The following FBH1 variants were observed in gnomAD, a reference collection of about 807,000 sequenced individuals.
FBH1 encodes F-box DNA helicase 1, also known as DNA 3'-5' helicase 1.
FBH1 carries 43 observed loss-of-function variants against 115.5 expected under a neutral mutation model. The observed-to-expected ratio is 0.37, with a 90% CI of 0.29 to 0.48. The LOEUF is 0.48. Ranked by LOEUF, FBH1 falls within the 20% of genes least tolerant of loss-of-function variation. The pLI, the probability that FBH1 is intolerant of heterozygous loss-of-function variation, is 0.99. For synonymous variants in FBH1, 524 were observed against 507.8 expected (o/e 1.03, Z -0.43); for missense variants, 1,001 against 1,337.3 (o/e 0.75, Z 3.92).
chr10:5,914,323 T>C lies in FBH1; in HGVS notation c.1396+54T>C, dbSNP rs1831792631. 6.8e-7 allele frequency: 1 copy of C among 1,464,652 alleles called. No homozygotes were observed. Among genetic ancestry groups the C allele is most frequent in the Admixed American group, 1.7e-5 (1 of 59,680 alleles). 90.7% of individuals were successfully genotyped at this position (1,464,652 alleles called of 1,614,324 possible). ...GTGGTGGTTTTCTGCCTTTTCTCCC[T>C]ACATCCCCTTCCCGCTACCTGCCAG... On this transcript the variant is annotated intron_variant, in intron 8 of 20. Transcript: ENST00000362091. This position sits in a 1 kb window ranked among gnomAD's most constrained non-coding sequence, Gnocchi z 5.2.
chr10:5,897,932 A>C lies in FBH1; in HGVS notation c.2-5088A>C, dbSNP rs936755386. Among the ~76,000 whole-genome samples, 3 of 152,202 alleles carry C rather than the reference A, an allele frequency of 2.0e-5. No individual in the cohort carries two copies. The highest frequency in any genetic ancestry group is 2.0e-4 in the Admixed American group (3 of 15,282). On this transcript the variant is annotated intron_variant, in intron 1 of 20. Transcript: ENST00000362091. This position sits in a 1 kb window ranked among gnomAD's most constrained non-coding sequence, Gnocchi z 4.7. ...TATCCTGTTCATATTACCTTTTCCA[A>C]AGCAGTTCCCTTTGGGACTGAACAT...
At chr10:5,891,598 A>C (rs900025272) in intron 1 of FBH1, among the ~76,000 whole-genome samples, 2 of 152,116 alleles carry the variant, frequency 1.3e-5, no homozygotes, top group African/African-American at 4.8e-5. Context: ...ACACGGGTTC[A>C]CAGTAGGTTG....
intron 2 of FBH1, 79 bp from the exon 3 acceptor site, chr10:5,905,958 A>G: frequency 2.1e-6 from 2 of 973,268 alleles, no homozygotes; most frequent in Admixed American, 2.3e-5. Context: ...ATTGAAAATT[A>G]GTGTGTCTTA....
rs1455901814 is a variant in FBH1 at position 5,931,077 on chromosome 10, AATAT to A, written c.2829+3538_2829+3541del. 6.6e-6 allele frequency among the ~76,000 whole-genome samples: 1 copy of A among 152,182 alleles called. No individual in the cohort carries two copies. The highest frequency in any genetic ancestry group is 1.9e-4 in the East Asian group (1 of 5,196). On this transcript the variant is annotated intron_variant, in intron 19 of 20. Coordinates refer to ENST00000362091, the MANE Select transcript of FBH1 (RefSeq NM_178150.3). The surrounding 1 kb of genome is among the most constrained non-coding windows in gnomAD (Gnocchi z 4.3). The stretch of plus-strand genomic sequence containing the variant: ...GGCAAATTTCAACATTTTGTTGTTA[AATAT>A]AACACAAGTATATAAAACAGCATAT...
chr10:5,899,999 G>A (rs1156505913), intron 1 of FBH1, among the ~76,000 whole-genome samples: 1 of 152,174 alleles, frequency 6.6e-6, no homozygotes, highest in Non-Finnish European at 1.5e-5. Context: ...TACAGAACCA[G>A]CACAAACCAG....
Position 5,897,596 on chromosome 10 carries a change from C to T in FBH1, c.2-5424C>T, listed in dbSNP as rs553451726. On this transcript the variant is annotated intron_variant, in intron 1 of 20. Coordinates refer to ENST00000362091, the MANE Select transcript of FBH1 (RefSeq NM_178150.3). The surrounding 1 kb of genome is among the most constrained non-coding windows in gnomAD (Gnocchi z 4.7). Reference sequence around the variant, plus strand: ...AATCCAATAAAAGTACCAGCTCTCCCGCCAGCCAAACTATGGCTGGTAACG... The same window carrying T: ...AATCCAATAAAAGTACCAGCTCTCCTGCCAGCCAAACTATGGCTGGTAACG... 5.9e-4 allele frequency among the ~76,000 whole-genome samples: 90 copies of T among 152,314 alleles called. 1 individual carries two copies. Among genetic ancestry groups the T allele is most frequent in the Admixed American group, 1.0e-3 (16 of 15,308 alleles).
At chr10:5,892,530 C>T (rs1265434209) in intron 1 of FBH1, among the ~76,000 whole-genome samples, 1 of 152,178 alleles carries the variant, frequency 6.6e-6, no homozygotes, top group African/African-American at 2.4e-5. Context: ...GAAAGCATCT[C>T]AAATCTTATA....
rs1401555449 is a variant in FBH1, at chr10:5,933,890, G to T, written c.2830-2566G>T. 6.6e-6 allele frequency among the ~76,000 whole-genome samples: 1 copy of T among 152,132 alleles called. No individual in the cohort carries two copies. Among genetic ancestry groups the T allele is most frequent in the Non-Finnish European group, 1.5e-5 (1 of 68,020 alleles). ...TGGTCTCAAACTCCTGACTTGAAGTGATCCACTCGCCTCGGCCTCCCAAAG... is the reference window on the plus strand; with the variant it reads ...TGGTCTCAAACTCCTGACTTGAAGTTATCCACTCGCCTCGGCCTCCCAAAG... On this transcript the variant is annotated intron_variant, in intron 19 of 20. Coordinates refer to ENST00000362091, the MANE Select transcript of FBH1 (RefSeq NM_178150.3). This position sits in a 1 kb window ranked among gnomAD's most constrained non-coding sequence, Gnocchi z 4.9.
At chr10:5,916,952 A>T (rs1461690676) in intron 10 of FBH1, 3 of 195,488 alleles carry the variant, frequency 1.5e-5, no homozygotes, top group Non-Finnish European at 3.2e-5. Flanking sequence ...GCCTCAGTTT[A>T]TAAGAGCTTG....
intron 19 of FBH1, chr10:5,928,819 AT>A (rs2132100396): frequency 6.6e-6 from 1 of 152,336 alleles, no homozygotes; most frequent in African/African-American, 2.4e-5. Context: ...AACCCAAGAT[AT>A]TTAAGCCTGA....
In FBH1 at chr10:5,921,695, C is replaced by G. The variant is rs1286868174; in HGVS notation, c.2322+126C>G. ...GCATTTGGGTTTTTGACTCTTTCCA[C>G]CAGGCTGCACCATGAGTGGTCTCTA... On this transcript the variant is annotated intron_variant, in intron 15 of 20. Transcript: ENST00000362091. This position sits in a 1 kb window ranked among gnomAD's most constrained non-coding sequence, Gnocchi z 6.4. 8.0e-7 allele frequency: 1 copy of G among 1,246,256 alleles called. No individual in the cohort carries two copies. Among genetic ancestry groups the G allele is most frequent in the Non-Finnish European group, 1.1e-6 (1 of 917,954 alleles). 77.2% of individuals were successfully genotyped at this position (1,246,256 alleles called of 1,614,324 possible). A position where few individuals can be genotyped will look rare whatever the true frequency, so the allele number is the denominator to read the frequency against.
chr10:5,936,327 G>A lies in FBH1; in HGVS notation c.2830-129G>A, dbSNP rs914220725. 27 of 1,029,676 alleles carry A rather than the reference G, an allele frequency of 2.6e-5. No individual in the cohort carries two copies. In the East Asian group the frequency reaches 6.8e-4, roughly 26 times the overall value. 63.8% of individuals were successfully genotyped at this position (1,029,676 alleles called of 1,614,324 possible). A position where few individuals can be genotyped will look rare whatever the true frequency, so the allele number is the denominator to read the frequency against. The stretch of plus-strand genomic sequence containing the variant: ...AGAGGAAGTAAGGGAGAACGGGTTA[G>A]GCGGGGTTTTTCTCTCTGGGACTTA... On this transcript the variant is annotated intron_variant, in intron 19 of 20. Transcript: ENST00000362091. The surrounding 1 kb of genome is among the most constrained non-coding windows in gnomAD (Gnocchi z 5.6).
chr10:5,921,216 C>T lies in FBH1; in HGVS notation c.2101-42C>T. On this transcript the variant is annotated intron_variant, in intron 13 of 20. Transcript: ENST00000362091. This position sits in a 1 kb window ranked among gnomAD's most constrained non-coding sequence, Gnocchi z 6.4. ...CAGTGATGGAAATGCACGGACACACCACAGGGCGGGCTGCTGACTCCCTCT... is the reference window on the plus strand; with the variant it reads ...CAGTGATGGAAATGCACGGACACACTACAGGGCGGGCTGCTGACTCCCTCT... 6.3e-7 allele frequency: 1 copy of T among 1,591,842 alleles called. No individual in the cohort carries two copies. Among genetic ancestry groups the T allele is most frequent in the Non-Finnish European group, 8.6e-7 (1 of 1,160,418 alleles).
chr10:5,913,614 C>CT lies in FBH1; in HGVS notation c.1212-127dup. The CT allele has an allele frequency of 3.3e-6, 2 of 600,454 alleles. No homozygotes were observed. Among genetic ancestry groups the CT allele is most frequent in the South Asian group, 4.7e-5 (2 of 42,570 alleles). 37.2% of individuals were successfully genotyped at this position (600,454 alleles called of 1,614,324 possible). A position where few individuals can be genotyped will look rare whatever the true frequency, so the allele number is the denominator to read the frequency against. Reference sequence around the variant, plus strand: ...TAGATATATTTAAATCCTTTTCTTTCTTTTTTCCATTAAATGGTGGTAGGT... The same window carrying CT: ...TAGATATATTTAAATCCTTTTCTTTCTTTTTTTCCATTAAATGGTGGTAGGT... On this transcript the variant is annotated intron_variant, in intron 6 of 20. Transcript: ENST00000362091. The surrounding 1 kb of genome is among the most constrained non-coding windows in gnomAD (Gnocchi z 4.4).
rs531601376 is a variant in FBH1, at chr10:5,925,508, G to A, written c.2722+16G>A. The A allele has an allele frequency of 2.5e-6, 4 of 1,612,952 alleles. No individual in the cohort carries two copies. Among genetic ancestry groups the A allele is most frequent in the Non-Finnish European group, 3.4e-6 (4 of 1,179,832 alleles). On this transcript the variant is annotated intron_variant, in intron 18 of 20. Coordinates refer to ENST00000362091, the MANE Select transcript of FBH1 (RefSeq NM_178150.3). The surrounding 1 kb of genome is among the most constrained non-coding windows in gnomAD (Gnocchi z 4.6). ...TTCAGAGTTGGTAAGAGGCCGCCGG[G>A]TAGTGTCAGGTGCTGCTGTATGTAG... is the stretch of plus-strand genomic sequence containing the variant.
chr10:5,936,869 TG>T lies in FBH1; in HGVS notation c.2962-239del, dbSNP rs1181418433. 1.7e-6 allele frequency: 1 copy of T among 602,260 alleles called. No individual in the cohort carries two copies. The highest frequency in any genetic ancestry group is 2.9e-6 in the Non-Finnish European group (1 of 347,976). 37.3% of individuals were successfully genotyped at this position (602,260 alleles called of 1,614,324 possible). On this transcript the variant is annotated intron_variant, in intron 20 of 20. Coordinates refer to ENST00000362091, the MANE Select transcript of FBH1 (RefSeq NM_178150.3). This position sits in a 1 kb window ranked among gnomAD's most constrained non-coding sequence, Gnocchi z 5.6. Reference sequence around the variant, plus strand: ...CCTGGGGTCCCAGCGCAGCTTTTCTTGGTTCTTTATCTTGACTGGATAAATG... The same window carrying T: ...CCTGGGGTCCCAGCGCAGCTTTTCTTGTTCTTTATCTTGACTGGATAAATG...
chr10:5,917,369 T>G lies in FBH1; in HGVS notation c.1789-51T>G. 2 of 1,507,398 alleles carry G rather than the reference T, an allele frequency of 1.3e-6. No individual in the cohort carries two copies. The highest frequency in any genetic ancestry group is 4.5e-5 in the East Asian group (2 of 44,072). 93.4% of individuals were successfully genotyped at this position (1,507,398 alleles called of 1,614,324 possible). On this transcript the variant is annotated intron_variant, in intron 10 of 20. Transcript: ENST00000362091. This position sits in a 1 kb window ranked among gnomAD's most constrained non-coding sequence, Gnocchi z 5.6. ...AGTTGACAGTGTGACCGCAGGGTGC[T>G]GCCTTTGCCAGGGTCTCAAACTCTG... is the stretch of plus-strand genomic sequence containing the variant.
At position 5,906,520 on chromosome 10, in the gene FBH1, G is replaced by C; in HGVS notation, c.641G>C (p.Ser214Thr). The change falls in exon 3 of 21, where the codon AGC (serine) becomes ACC (threonine). Residue 214 changes from serine (S) to threonine (T), a missense_variant. This residue lies in a region of FBH1 where 420 missense variants were observed against 430.4 expected (regional missense o/e 0.98). Transcript: ENST00000362091. This position sits in a 1 kb window ranked among gnomAD's most constrained non-coding sequence, Gnocchi z 7.3. ...CAGGAAGCACTGAGCCACATTTGCAGCCTGCCTAGTGAGGTCCTGAGGCAC... is the reference window on the plus strand; with the variant it reads ...CAGGAAGCACTGAGCCACATTTGCACCCTGCCTAGTGAGGTCCTGAGGCAC... ...PCQEALSHIC[S>T]LPSEVLRHVF... is the part of the protein sequence containing the mutation. 1 of 1,614,150 alleles carries C rather than the reference G, an allele frequency of 6.2e-7. No homozygotes were observed. Among genetic ancestry groups the C allele is most frequent in the Non-Finnish European group, 8.5e-7 (1 of 1,180,040 alleles).
At chr10:5,905,457 G>GCAGTGAGCC (rs1177337138) in intron 2 of FBH1, among the ~76,000 whole-genome samples, 1 of 152,218 alleles carries the variant, frequency 6.6e-6, no homozygotes, top group Non-Finnish European at 1.5e-5. Context: ...GGTGGTGGTT[G>GCAGTGAGCC]CAGTGAGCCA....
Sources: gnomAD v4.1 joint callset for allele counts (sites outside exome capture counted in the v4.1 genomes callset) on GRCh38, gnomAD v4.1.1 for gene constraint, gnomAD v4.1.1 regional missense constraint, Gnocchi (gnomAD v3.1) non-coding constraint, MANE v1.5 for transcripts, NCBI Gene and HGNC (gene_info 2026-07-23, HGNC 2026-07-21) for gene names.